The following STK10 variants were observed in gnomAD, a reference collection of about 807,000 sequenced individuals.
STK10 encodes the protein serine/threonine-protein kinase 10.
A neutral mutation model predicts 113.8 loss-of-function variants in STK10; 78 were observed. The observed-to-expected ratio is 0.69, with a 90% CI of 0.57 to 0.83. The LOEUF (loss-of-function observed/expected upper bound fraction) is 0.83, where lower values mean the gene tolerates loss of function less well. Ranked by LOEUF, STK10 falls within the 40% of genes least tolerant of loss-of-function variation. The probability of loss-of-function intolerance (pLI) is 0.00; values close to 1 mark genes in which losing one functional copy is unlikely to be tolerated. For missense variants in STK10, 1,109 were observed against 1,280.1 expected (o/e 0.87, Z 2.04); for synonymous variants, 465 against 494.7 (o/e 0.94, Z 0.80).
At chr5:172,128,576 C>A (rs1169381735) in intron 2 of STK10, among the ~76,000 whole-genome samples, 3 of 152,232 alleles carry the variant, frequency 2.0e-5, no homozygotes, top group Non-Finnish European at 4.4e-5. Flanking sequence ...GGTGATCCAC[C>A]CGCCCTGGCC....
intron 1 of STK10, among the ~76,000 whole-genome samples, chr5:172,186,642 GAAA>G (rs1275734525): frequency 6.7e-6 from 1 of 148,464 alleles, no homozygotes; most frequent in Non-Finnish European, 1.5e-5. Context: ...AAAGAAAAAA[GAAA>G]AAACGCCACC....
At chr5:172,125,341 T>A (rs1014460100) in intron 3 of STK10, among the ~76,000 whole-genome samples, 1 of 152,184 alleles carries the variant, frequency 6.6e-6, no homozygotes, top group Admixed American at 6.5e-5. Context: ...TCTCCCTTTT[T>A]GACCTACCTC....
intron 12 of STK10, among the ~76,000 whole-genome samples, 193 bp from the exon 13 acceptor site, chr5:172,065,005 G>T (rs909083321): frequency 6.6e-6 from 1 of 152,144 alleles, no homozygotes; most frequent in Non-Finnish European, 1.5e-5. Context: ...CCTGCCTGCC[G>T]CTGGTTTCAG....
In STK10 at chr5:172,055,629, C is replaced by T. The variant is rs115040416; in HGVS notation, c.2485G>A (p.Gly829Ser). Residue 829 changes from glycine (G) to serine (S), a missense_variant, in exon 16 of 19, where the codon GGC becomes AGC. By Grantham distance (56) the Gly-to-Ser change is moderately conservative. This residue lies in a region of STK10 where 885 missense variants were observed against 991.1 expected (regional missense o/e 0.89). Coordinates refer to ENST00000176763, the MANE Select transcript of STK10 (RefSeq NM_005990.4). ...CGCTGCTCAGCTGCGCTGCCCCCGC[C>T]GTTGATGTGGAGGCTCTTCTTGTAC... is the stretch of plus-strand genomic sequence containing the variant. ...AMYKKSLHIN[G>S]GGSAAEQREK... is the part of the protein sequence containing the mutation. 194 of 1,560,726 alleles carry T rather than the reference C, an allele frequency of 1.2e-4. 3 individuals carry two copies. In the South Asian group the frequency reaches 1.5e-3, roughly 12 times the overall value.
intron 7 of STK10, among the ~76,000 whole-genome samples, chr5:172,099,656 AGGT>A (rs1768938239): frequency 6.6e-6 from 1 of 152,194 alleles, no homozygotes; most frequent in African/African-American, 2.4e-5. Context: ...AAGATCCCAA[AGGT>A]GAGAACCAAG....
intron 1 of STK10, among the ~76,000 whole-genome samples, chr5:172,166,351 T>G (rs1770571674): frequency 6.6e-6 from 1 of 152,134 alleles, no homozygotes; most frequent in Non-Finnish European, 1.5e-5. Context: ...AGCCGATAAA[T>G]TCCCTTTTGG....
rs777208379 is a variant in STK10 at position 172,044,642 on chromosome 5, G to A, written c.*240C>T. The A allele has an allele frequency of 1.2e-5, 7 of 601,158 alleles. No homozygotes were observed. Among genetic ancestry groups the A allele is most frequent in the Non-Finnish European group, 1.7e-5 (6 of 346,070 alleles). 37.2% of individuals were successfully genotyped at this position (601,158 alleles called of 1,614,324 possible). On this transcript the variant is annotated 3_prime_UTR_variant, in exon 19 of 19. Transcript: ENST00000176763. The surrounding 1 kb of genome is among the most constrained non-coding windows in gnomAD (Gnocchi z 4.5). ...CAGCTTGAAGGGATCTGGGGCTCAA[G>A]GAGAATATACATTAGGTTCAGGTGA...
chr5:172,068,910 G>A (rs1164814014), intron 12 of STK10, among the ~76,000 whole-genome samples: 8 of 150,672 alleles, frequency 5.3e-5, no homozygotes, highest in African/African-American at 2.0e-4. Context: ...AACCAAAAAC[G>A]TGACAATTAT....
chr5:172,145,059 C>T (rs1391603593), intron 2 of STK10, among the ~76,000 whole-genome samples: 1 of 152,142 alleles, frequency 6.6e-6, no homozygotes, highest in Non-Finnish European at 1.5e-5. Context: ...CCAGAAATGC[C>T]AAGATCAGGG....
intron 1 of STK10, among the ~76,000 whole-genome samples, chr5:172,165,882 C>CT (rs1770562027): frequency 6.6e-6 from 1 of 152,126 alleles, no homozygotes; most frequent in African/African-American, 2.4e-5. Context: ...CAACCTCCAC[C>CT]TCCCGGATTC....
chr5:172,066,287 A>C (rs1768067202), intron 12 of STK10, among the ~76,000 whole-genome samples: 1 of 152,050 alleles, frequency 6.6e-6, no homozygotes. Flanking sequence ...GGGAGTCAAA[A>C]CTTGCAGACA....
intron 18 of STK10, among the ~76,000 whole-genome samples, chr5:172,051,659 G>C (rs1331996406): frequency 4.6e-5 from 7 of 152,022 alleles, no homozygotes; most frequent in Non-Finnish European, 1.0e-4. Flanking sequence ...TCAACAGATG[G>C]GTCACGAGGG....
At chr5:172,162,450 T>TCA (rs1220747529) in intron 1 of STK10, among the ~76,000 whole-genome samples, 255 of 150,926 alleles carry the variant, frequency 1.7e-3, no homozygotes, top group African/African-American at 4.3e-3. Context: ...TCTCTCTCTC[T>TCA]CACACACACA....
Position 172,106,661 on chromosome 5 carries a change from G to T in STK10, c.747C>A (p.Ile249=), listed in dbSNP as rs115634318. The T allele has an allele frequency of 6.2e-7, 1 of 1,613,440 alleles. No individual in the cohort carries two copies. Among genetic ancestry groups the T allele is most frequent in the Non-Finnish European group, 8.5e-7 (1 of 1,180,002 alleles). The change falls in exon 6 of 19, where the codon ATC becomes ATA. Residue 249 remains isoleucine (I), a synonymous_variant. Coordinates refer to ENST00000176763, the MANE Select transcript of STK10 (RefSeq NM_005990.4). The stretch of plus-strand genomic sequence containing the variant: ...GCAGCGTGGGAGGGTCCGACTTGGC[G>T]ATCTTTAGCAGGACCCGCATGGGGT... ...ELNPMRVLLK[I]AKSDPPTLLT...
chr5:172,178,790 T>TA (rs892929264), intron 1 of STK10, among the ~76,000 whole-genome samples: 72 of 152,200 alleles, frequency 4.7e-4, no homozygotes, highest in African/African-American at 1.7e-3. Context: ...CCGGGCTGAA[T>TA]AAAGGAACGC....
At chr5:172,097,499 G>A (rs1305425096) in intron 7 of STK10, among the ~76,000 whole-genome samples, 1 of 152,244 alleles carries the variant, frequency 6.6e-6, no homozygotes, top group Non-Finnish European at 1.5e-5. Flanking sequence ...CCTAGAAACA[G>A]AGCATCGTGT....
chr5:172,181,629 GCC>G (rs1770857752), intron 1 of STK10, among the ~76,000 whole-genome samples: 3 of 151,152 alleles, frequency 2.0e-5, no homozygotes, highest in Admixed American at 6.6e-5. Flanking sequence ...GATTACAGGC[GCC>G]CACCACCATG....
intron 1 of STK10, among the ~76,000 whole-genome samples, chr5:172,175,158 T>A (rs914917163): frequency 6.6e-6 from 1 of 152,012 alleles, no homozygotes; most frequent in Non-Finnish European, 1.5e-5. Context: ...TAGGACTAGA[T>A]TTGGTGCCAC....
chr5:172,175,462 T>C (rs1244833405), intron 1 of STK10, among the ~76,000 whole-genome samples: 1 of 152,112 alleles, frequency 6.6e-6, no homozygotes, highest in Non-Finnish European at 1.5e-5. Context: ...AGAGACACCC[T>C]GCACTGCAGG....
Sources: allele counts gnomAD v4.1 joint callset (sites outside exome capture counted in the v4.1 genomes callset), GRCh38; gene constraint gnomAD v4.1.1; regional missense constraint gnomAD v4.1.1; non-coding constraint Gnocchi (gnomAD v3.1); transcripts MANE v1.5; gene names NCBI Gene and HGNC (gene_info 2026-07-23, HGNC 2026-07-21).